BANP: variants seen among roughly 807,000 people sequenced by gnomAD.
BANP encodes the protein BTG3 associated nuclear protein, also known as protein BANP.
BANP carries 11 observed loss-of-function variants against 68.1 expected under a neutral mutation model. The observed-to-expected ratio is 0.16, with a 90% confidence interval of 0.10 to 0.27. The LOEUF is 0.27. BANP is among the 10% of genes least tolerant of loss of function. BANP has a pLI of 1.00. For synonymous variants in BANP, 329 were observed against 303.2 expected (o/e 1.09, Z -0.88); for missense variants, 504 against 722.7 (o/e 0.70, Z 3.47).
chr16:88,022,542 C>T (rs1049323683), intron 7 of BANP, among the ~76,000 whole-genome samples: 5 of 152,268 alleles, frequency 3.3e-5, no homozygotes, highest in African/African-American at 9.6e-5. Context: ...GGGGCCACTT[C>T]ACCCACACCT....
intron 4 of BANP, among the ~76,000 whole-genome samples, chr16:87,990,714 C>T (rs2065681576): frequency 6.6e-6 from 1 of 152,152 alleles, no homozygotes; most frequent in Non-Finnish European, 1.5e-5. Context: ...CATGTGATTT[C>T]TCTTCCTGAC....
At chr16:88,070,846 G>A (rs1479846626) in intron 12 of BANP, among the ~76,000 whole-genome samples, 3 of 152,228 alleles carry the variant, frequency 2.0e-5, no homozygotes, top group African/African-American at 7.2e-5. Flanking sequence ...TCTGGGCGCC[G>A]TACTTTGCTA....
intron 11 of BANP, among the ~76,000 whole-genome samples, chr16:88,060,456 T>C (rs150517082): frequency 5.9e-5 from 9 of 152,346 alleles, no homozygotes; most frequent in Non-Finnish European, 1.2e-4. Context: ...TGTGGAGGCT[T>C]CCGACTGAAG....
rs527241708 is a variant in BANP, at chr16:88,064,359, C to G, written c.1312-908C>G. 3.3e-5 allele frequency among the ~76,000 whole-genome samples: 5 copies of G among 152,318 alleles called. No individual in the cohort carries two copies. In the South Asian group the frequency reaches 8.3e-4, roughly 25 times the overall value. Reference sequence around the variant, plus strand: ...TGGTCAGGGACAGTGGGTTCCTCTCCCTTAGCATGCTTGGAAGCAGTGGTG... The same window carrying G: ...TGGTCAGGGACAGTGGGTTCCTCTCGCTTAGCATGCTTGGAAGCAGTGGTG... On this transcript the variant is annotated intron_variant, in intron 11 of 13. Coordinates refer to ENST00000682872, the MANE Select transcript of BANP (RefSeq NM_001386991.1). The surrounding 1 kb of genome is among the most constrained non-coding windows in gnomAD (Gnocchi z 4.5).
intron 8 of BANP, among the ~76,000 whole-genome samples, chr16:88,030,800 C>A (rs1210325618): frequency 6.6e-6 from 1 of 152,194 alleles, no homozygotes; most frequent in Non-Finnish European, 1.5e-5. Flanking sequence ...CTTGTCTGCC[C>A]TGTGGCCCCA....
chr16:87,965,647 A>G lies in BANP; in HGVS notation c.-68-9401A>G, dbSNP rs1437450806. Among the ~76,000 whole-genome samples, 4 of 152,198 alleles carry G rather than the reference A, an allele frequency of 2.6e-5. No homozygotes were observed. In the East Asian group the frequency reaches 7.7e-4, roughly 29 times the overall value. On this transcript the variant is annotated intron_variant, in intron 1 of 13. Transcript: ENST00000682872. ...GGGGCTGGGCGGGGCTTGCAGCATC[A>G]GGCGCACCTGAGGTTGATTGGATGT...
At chr16:88,051,041 A>T (rs1366344463) in intron 11 of BANP, among the ~76,000 whole-genome samples, 1 of 152,182 alleles carries the variant, frequency 6.6e-6, no homozygotes. Context: ...AACCCCGTAG[A>T]ATGCTAACCT....
chr16:88,026,956 A>C (rs1192070460), intron 7 of BANP, among the ~76,000 whole-genome samples: 1 of 152,040 alleles, frequency 6.6e-6, no homozygotes, highest in Non-Finnish European at 1.5e-5. Flanking sequence ...GGAGCCCAGG[A>C]GGGCGGGAGG....
At chr16:87,999,074 A>C (rs1288858063) in intron 4 of BANP, among the ~76,000 whole-genome samples, 51 of 123,196 alleles carry the variant, frequency 4.1e-4, no homozygotes, top group Middle Eastern at 0.015. Flanking sequence ...GTCTCCATGC[A>C]CGCACGTGCG....
chr16:87,996,597 C>T (rs574911481), intron 4 of BANP, among the ~76,000 whole-genome samples: 11 of 139,352 alleles, frequency 7.9e-5, no homozygotes, highest in African/African-American at 2.5e-4. Context: ...TCGTCCTGGG[C>T]GCCGGCTGGG....
intron 2 of BANP, among the ~76,000 whole-genome samples, chr16:87,975,708 CCT>C (rs2061965075): frequency 6.7e-6 from 1 of 149,096 alleles, no homozygotes; most frequent in Admixed American, 6.7e-5. Flanking sequence ...TGTGTAATCC[CCT>C]GTGCGTGGCG....
At chr16:88,012,146 T>C (rs1415495824) in intron 6 of BANP, among the ~76,000 whole-genome samples, 2 of 152,266 alleles carry the variant, frequency 1.3e-5, no homozygotes, top group Non-Finnish European at 2.9e-5. Context: ...AGATGAGTTA[T>C]TGACAGTTAT....
chr16:88,038,139 G>A (rs1458006946), intron 11 of BANP, 128 bp downstream of exon 11: 3 of 930,160 alleles, frequency 3.2e-6, no homozygotes, highest in African/African-American at 3.2e-5. Flanking sequence ...GCGCTGCCGA[G>A]GGGTGGGGCT....
At chr16:88,016,483 C>G (rs1223551703) in intron 6 of BANP, among the ~76,000 whole-genome samples, 1 of 152,224 alleles carries the variant, frequency 6.6e-6, no homozygotes, top group Non-Finnish European at 1.5e-5. Flanking sequence ...GGCTTCCTTA[C>G]TGGACTGCTG....
At chr16:87,974,709 A>G (rs1038021095) in intron 1 of BANP, among the ~76,000 whole-genome samples, 1 of 152,104 alleles carries the variant, frequency 6.6e-6, no homozygotes, top group Non-Finnish European at 1.5e-5. Context: ...TGCTGTAGTC[A>G]GTCAGGCCCC....
intron 3 of BANP, among the ~76,000 whole-genome samples, 187 bp from the exon 4 acceptor site, chr16:87,983,873 G>A (rs558373812): frequency 2.0e-5 from 3 of 152,302 alleles, no homozygotes; most frequent in East Asian, 1.9e-4. Flanking sequence ...CGTGTGACTC[G>A]TGTGTAAAAT....
At chr16:88,016,831 C>T (rs1458792819) in intron 6 of BANP, among the ~76,000 whole-genome samples, 1 of 152,162 alleles carries the variant, frequency 6.6e-6, no homozygotes, top group African/African-American at 2.4e-5. Context: ...ACTTCTAAAC[C>T]ACCTCTGAGC....
chr16:88,075,906 C>T (rs1039107717), intron 13 of BANP, among the ~76,000 whole-genome samples: 11 of 144,032 alleles, frequency 7.6e-5, no homozygotes, highest in South Asian at 2.2e-4. Flanking sequence ...ACCGCCACAC[C>T]GGCTAATTTT....
At chr16:87,949,731 C>T (rs1031543344), upstream of BANP, 31 of 148,700 alleles carry the variant, frequency 2.1e-4, no homozygotes, top group African/African-American at 7.9e-4. Context: ...GTGGAACCTC[C>T]AAGCCTAATT....
Sources: allele counts gnomAD v4.1 joint callset (sites outside exome capture counted in the v4.1 genomes callset), GRCh38; gene constraint gnomAD v4.1.1; non-coding constraint Gnocchi (gnomAD v3.1); transcripts MANE v1.5; gene names NCBI Gene and HGNC (gene_info 2026-07-23, HGNC 2026-07-21).